The following HDAC4 variants were observed in gnomAD, a reference collection of about 807,000 sequenced individuals.
HDAC4 encodes histone deacetylase 4, also known as histone deacetylase A.
A neutral mutation model predicts 135.1 loss-of-function variants in HDAC4; 16 were observed. That is an observed-to-expected ratio of 0.12 (90% CI 0.08 to 0.18). The LOEUF (loss-of-function observed/expected upper bound fraction) is 0.18. Ranked by LOEUF, HDAC4 falls within the 10% of genes least tolerant of loss-of-function variation. HDAC4 has a pLI of 1.00. For missense variants in HDAC4, 1,143 were observed against 1,511.8 expected, an observed-to-expected ratio of 0.76 and a Z score of 4.05; for synonymous variants, 685 against 653.4, an observed-to-expected ratio of 1.05 and a Z score of -0.74.
chr2:239,309,399 C>T lies in HDAC4; in HGVS notation c.22+43279G>A, dbSNP rs571910211. 6.6e-6 allele frequency among the ~76,000 whole-genome samples: 1 copy of T among 152,312 alleles called. No individual in the cohort carries two copies. The highest frequency in any genetic ancestry group is 2.1e-4 in the South Asian group (1 of 4,830). ...GACTTAGTGCAGAGGCTGCACCCTT[C>T]CAGGCTGAAACCCAGCACCTACAGC... On this transcript the variant is annotated intron_variant, in intron 2 of 26. Coordinates refer to ENST00000543185, the MANE Select transcript of HDAC4 (RefSeq NM_001378414.1). The surrounding 1 kb of genome is among the most constrained non-coding windows in gnomAD (Gnocchi z 4.2).
At chr2:239,236,515 C>T in intron 3 of HDAC4, 78 bp downstream of exon 3, 2 of 1,192,914 alleles carry the variant, frequency 1.7e-6, no homozygotes, top group South Asian at 2.6e-5. Flanking sequence ...CTGCACTCCT[C>T]CAATAAGGCA....
intron 2 of HDAC4, among the ~76,000 whole-genome samples, chr2:239,348,723 C>T (rs952527390): frequency 2.0e-5 from 3 of 152,330 alleles, no homozygotes; most frequent in African/African-American, 7.2e-5. Context: ...GCTGGCCGGG[C>T]AAGGGGCGTA....
At chr2:239,255,367 A>C (rs1367071551) in intron 2 of HDAC4, among the ~76,000 whole-genome samples, 1 of 151,722 alleles carries the variant, frequency 6.6e-6, no homozygotes, top group Non-Finnish European at 1.5e-5. Context: ...GTTTCCTCTT[A>C]AGAACAACAT....
intron 3 of HDAC4, among the ~76,000 whole-genome samples, chr2:239,222,955 C>CA (rs1357021280): frequency 1.3e-5 from 2 of 152,130 alleles, no homozygotes; most frequent in African/African-American, 4.8e-5. Flanking sequence ...CCCATCTCTC[C>CA]AGCCTGCTCA....
chr2:239,096,891 T>A (rs1042229623), intron 16 of HDAC4, among the ~76,000 whole-genome samples: 3 of 152,082 alleles, frequency 2.0e-5, no homozygotes, highest in African/African-American at 7.2e-5. Flanking sequence ...GCTTGTAGAA[T>A]GGCCACGTCC....
At chr2:239,228,744 C>T (rs988479327) in intron 3 of HDAC4, among the ~76,000 whole-genome samples, 3 of 152,012 alleles carry the variant, frequency 2.0e-5, no homozygotes, top group African/African-American at 2.4e-5. Flanking sequence ...CTTCAGCCAT[C>T]GAAGGGGAAT....
At chr2:239,374,453 G>A (rs1694859444) in intron 1 of HDAC4, among the ~76,000 whole-genome samples, 1 of 136,608 alleles carries the variant, frequency 7.3e-6, no homozygotes, top group Admixed American at 7.6e-5. Context: ...GCCCAGGCTG[G>A]AGTGCAGTGG....
chr2:239,075,607 A>C (rs147301173), intron 22 of HDAC4, among the ~76,000 whole-genome samples: 1 of 152,280 alleles, frequency 6.6e-6, no homozygotes, highest in Non-Finnish European at 1.5e-5. Flanking sequence ...AAGGGGAGAG[A>C]GCGGCTTCTC....
At chr2:239,354,596 T>A (rs62182150) in intron 1 of HDAC4, among the ~76,000 whole-genome samples, 18,488 of 137,812 alleles carry the variant, frequency 0.13, 1,662 homozygotes, top group Non-Finnish European at 0.2. Flanking sequence ...TTTTTGCCAA[T>A]TGCTTATAAC....
chr2:239,359,206 C>T (rs1011952668), intron 1 of HDAC4, among the ~76,000 whole-genome samples: 1 of 152,214 alleles, frequency 6.6e-6, no homozygotes, highest in Non-Finnish European at 1.5e-5. Context: ...TGACAGCCCA[C>T]GGCATCTAGC....
chr2:239,188,218 C>T (rs915254138), intron 4 of HDAC4, among the ~76,000 whole-genome samples: 4 of 152,210 alleles, frequency 2.6e-5, no homozygotes, highest in Non-Finnish European at 5.9e-5. Flanking sequence ...CTGAGCCTGT[C>T]CTCCAGGGCC....
chr2:239,382,982 G>A (rs1398905440), intron 1 of HDAC4, among the ~76,000 whole-genome samples: 4 of 152,010 alleles, frequency 2.6e-5, no homozygotes, highest in East Asian at 3.9e-4. Context: ...CACCCACCTC[G>A]GCCTCCCAAA....
rs2043785923 is a variant in HDAC4 at position 239,176,537 on chromosome 2, C to T, written c.366G>A (p.Lys122=). ...GGTGTTCCAGCAGCTCCTGCTGGTG[C>T]TTCATGGCCAGCATCTCCTGTTGTT... ...IKQQQEMLAM[K]HQQELLEHQR... The change falls in exon 5 of 27, where the codon AAG becomes AAA. Residue 122 remains lysine (K), a synonymous_variant. Coordinates refer to ENST00000543185, the MANE Select transcript of HDAC4 (RefSeq NM_001378414.1). 6.2e-7 allele frequency: 1 copy of T among 1,613,340 alleles called. No homozygotes were observed. Among genetic ancestry groups the T allele is most frequent in the Non-Finnish European group, 8.5e-7 (1 of 1,179,878 alleles).
At chr2:239,114,427 G>A (rs1312445111) in intron 13 of HDAC4, among the ~76,000 whole-genome samples, 2 of 152,182 alleles carry the variant, frequency 1.3e-5, no homozygotes, top group East Asian at 3.8e-4. Context: ...GCAGATACGG[G>A]GCTCCAGCTG....
At chr2:239,106,669 A>C (rs2038164519) in intron 15 of HDAC4, among the ~76,000 whole-genome samples, 1 of 151,174 alleles carries the variant, frequency 6.6e-6, no homozygotes, top group South Asian at 2.1e-4. Flanking sequence ...TATCACCAAT[A>C]AAACTGGTAA....
At chr2:239,318,495 G>A (rs1477827431) in intron 2 of HDAC4, among the ~76,000 whole-genome samples, 3 of 152,104 alleles carry the variant, frequency 2.0e-5, no homozygotes, top group Non-Finnish European at 4.4e-5. Context: ...TGTTGATAAC[G>A]AGACATCACT....
At chr2:239,126,815 C>T (rs2040222202) in intron 11 of HDAC4, 121 bp from the exon 12 acceptor site, 2 of 1,068,690 alleles carry the variant, frequency 1.9e-6, no homozygotes, top group Non-Finnish European at 2.8e-6. Context: ...AGGCGTTCTG[C>T]CCTGGTGCCC....
At chr2:239,119,943 GA>G in intron 12 of HDAC4, among the ~76,000 whole-genome samples, 1 of 150,462 alleles carries the variant, frequency 6.6e-6, no homozygotes, top group Non-Finnish European at 1.5e-5. Context: ...ACAGGAGAGT[GA>G]GCAGGAGGCA....
At chr2:239,087,848 C>T (rs904723344) in intron 18 of HDAC4, among the ~76,000 whole-genome samples, 4 of 125,596 alleles carry the variant, frequency 3.2e-5, no homozygotes, top group Admixed American at 8.6e-5. Context: ...TCCCCCGAAA[C>T]GCAGTCACTA....
Sources: allele counts gnomAD v4.1 joint callset (sites outside exome capture counted in the v4.1 genomes callset), GRCh38; gene constraint gnomAD v4.1.1; non-coding constraint Gnocchi (gnomAD v3.1); transcripts MANE v1.5; gene names NCBI Gene and HGNC (gene_info 2026-07-23, HGNC 2026-07-21).